GPC6: variants seen among roughly 807,000 people sequenced by gnomAD.
GPC6 encodes glypican-6.
In GPC6, 14 loss-of-function variants were observed where a neutral mutation model predicts 55.2. The ratio of observed to expected loss-of-function variants is 0.25; its 90% CI spans 0.17 to 0.40. GPC6 has a LOEUF of 0.40. GPC6 is among the 10% of genes least tolerant of loss of function. GPC6 has a pLI of 1.00. For synonymous variants in GPC6, 278 were observed against 259.6 expected (o/e 1.07, Z -0.68); for missense variants, 641 against 708.5 (o/e 0.90, Z 1.08).
chr13:93,734,198 C>A (rs1221969360), intron 2 of GPC6, among the ~76,000 whole-genome samples: 1 of 152,150 alleles, frequency 6.6e-6, no homozygotes, highest in African/African-American at 2.4e-5. Flanking sequence ...CTGTATTAAA[C>A]ATGAATGAAC....
chr13:93,479,775 C>T (rs1357055196), intron 1 of GPC6, among the ~76,000 whole-genome samples: 2 of 152,130 alleles, frequency 1.3e-5, no homozygotes, highest in Non-Finnish European at 2.9e-5. Flanking sequence ...ATTTGGGGAT[C>T]ATTATAAGAG....
chr13:93,269,561 C>T (rs1877437364), intron 1 of GPC6, among the ~76,000 whole-genome samples: 1 of 151,912 alleles, frequency 6.6e-6, no homozygotes. Context: ...TGCCTTTCTC[C>T]CACCTTCTTT....
chr13:93,398,453 T>G (rs897997862), intron 1 of GPC6, among the ~76,000 whole-genome samples: 2 of 152,180 alleles, frequency 1.3e-5, no homozygotes, highest in African/African-American at 4.8e-5. Context: ...TATCTTCATT[T>G]TCTTTCTTAC....
At chr13:94,295,133 A>G (rs10492631) in intron 5 of GPC6, among the ~76,000 whole-genome samples, 5,780 of 152,294 alleles carry the variant, frequency 0.038, 235 homozygotes, top group East Asian at 0.19. Context: ...GATTTTTGAC[A>G]TGAGACTGAC....
intron 4 of GPC6, among the ~76,000 whole-genome samples, chr13:94,097,900 A>G (rs545963431): frequency 4.6e-5 from 7 of 152,350 alleles, no homozygotes; most frequent in African/African-American, 1.7e-4. Context: ...ATTTGTAGTC[A>G]TTAAAAATAT....
At chr13:93,984,129 C>T (rs1361935250) in intron 3 of GPC6, among the ~76,000 whole-genome samples, 15 of 152,054 alleles carry the variant, frequency 9.9e-5, no homozygotes, top group Admixed American at 9.8e-4. Context: ...ATTATGCTGA[C>T]CTCCTCTGGC....
chr13:94,044,942 G>A (rs990254755), intron 4 of GPC6, among the ~76,000 whole-genome samples: 1 of 151,646 alleles, frequency 6.6e-6, no homozygotes, highest in African/African-American at 2.4e-5. Context: ...TTTAAAACTA[G>A]GATATTCTTG....
chr13:94,046,414 G>C (rs1883734672), intron 4 of GPC6, among the ~76,000 whole-genome samples: 2 of 151,958 alleles, frequency 1.3e-5, no homozygotes, highest in South Asian at 4.1e-4. Flanking sequence ...TTGAACTTGA[G>C]CTCACTATTG....
intron 1 of GPC6, among the ~76,000 whole-genome samples, chr13:93,373,809 A>C (rs1874773753): frequency 6.6e-6 from 1 of 152,224 alleles, no homozygotes; most frequent in Non-Finnish European, 1.5e-5. Flanking sequence ...TAATTACATG[A>C]TGTTAAATAA....
chr13:93,435,460 A>AT (rs371644365), intron 1 of GPC6, among the ~76,000 whole-genome samples: 174 of 147,062 alleles, frequency 1.2e-3, no homozygotes, highest in African/African-American at 1.5e-3. Context: ...ACTTTACCAA[A>AT]TTTTTTTTTT....
intron 1 of GPC6, among the ~76,000 whole-genome samples, chr13:93,326,833 G>C (rs528218650): frequency 1.4e-4 from 21 of 152,084 alleles, no homozygotes; most frequent in Non-Finnish European, 2.6e-4. Flanking sequence ...TTTAAATACT[G>C]TGCTTCTGTG....
chr13:93,926,160 T>C (rs1877846335), intron 3 of GPC6, among the ~76,000 whole-genome samples: 1 of 152,128 alleles, frequency 6.6e-6, no homozygotes, highest in Non-Finnish European at 1.5e-5. Context: ...TTGCATTCTT[T>C]TGGTCACACA....
intron 3 of GPC6, among the ~76,000 whole-genome samples, chr13:93,855,082 A>G (rs1013109673): frequency 6.6e-6 from 1 of 151,666 alleles, no homozygotes; most frequent in African/African-American, 2.4e-5. Flanking sequence ...TGTGTTGTAC[A>G]TTTTGTAGGT....
intron 2 of GPC6, among the ~76,000 whole-genome samples, chr13:93,640,734 TCCCTCCTCCCCACTTTCCTTC>T (rs1229480738): frequency 2.2e-5 from 1 of 46,298 alleles, no homozygotes; most frequent in Non-Finnish European, 3.5e-5. Flanking sequence ...TTTCCTTCCC[TCCCTCCTCCCCACTTTCCTTC>T]CCTCCCTCCT....
chr13:93,919,075 G>T (rs1014773965), intron 3 of GPC6, among the ~76,000 whole-genome samples: 2 of 152,102 alleles, frequency 1.3e-5, no homozygotes, highest in South Asian at 4.1e-4. Flanking sequence ...TGGTCAGTTA[G>T]TTCATGTGAG....
chr13:93,275,967 C>T (rs1037059606), intron 1 of GPC6, among the ~76,000 whole-genome samples: 3 of 152,110 alleles, frequency 2.0e-5, no homozygotes, highest in Non-Finnish European at 4.4e-5. Context: ...CTCTGCCTCC[C>T]GGGTTCACGC....
At chr13:93,507,468 C>A (rs1212135456) in intron 1 of GPC6, among the ~76,000 whole-genome samples, 2 of 152,090 alleles carry the variant, frequency 1.3e-5, no homozygotes, top group Non-Finnish European at 2.9e-5. Context: ...TATTACACAA[C>A]ACATTTAAAA....
chr13:93,508,205 A>T (rs1880810829), intron 1 of GPC6, among the ~76,000 whole-genome samples: 1 of 152,214 alleles, frequency 6.6e-6, no homozygotes, highest in African/African-American at 2.4e-5. Flanking sequence ...TACAAGGGAT[A>T]GTCCATTGGA....
At chr13:93,592,362 T>C (rs536519624) in intron 2 of GPC6, among the ~76,000 whole-genome samples, 1 of 146,728 alleles carries the variant, frequency 6.8e-6, no homozygotes, top group African/African-American at 2.5e-5. Context: ...ATATGTAAAA[T>C]ATATATATAT....
Sources: gnomAD v4.1 joint callset for allele counts (sites outside exome capture counted in the v4.1 genomes callset) on GRCh38, gnomAD v4.1.1 for gene constraint, MANE v1.5 for transcripts, NCBI Gene and HGNC (gene_info 2026-07-23, HGNC 2026-07-21) for gene names.